Variants in SEL1L2 observed in about 807,000 individuals in gnomAD.
The protein encoded by SEL1L2 is protein sel-1 homolog 2.
In SEL1L2, 89 loss-of-function variants were observed where a neutral mutation model predicts 98.8. That is an observed-to-expected ratio of 0.90 (90% CI 0.76 to 1.07). The LOEUF is 1.07. SEL1L2 is among the 50% of genes least tolerant of loss of function. SEL1L2 has a pLI of 0.00. For synonymous variants in SEL1L2, 262 were observed against 278.5 expected (o/e 0.94, Z 0.59); for missense variants, 788 against 812.0 (o/e 0.97, Z 0.36).
At chr20:13,872,993 CTT>C (rs112463334) in intron 12 of SEL1L2, among the ~76,000 whole-genome samples, 17 of 141,082 alleles carry the variant, frequency 1.2e-4, no homozygotes, top group Admixed American at 2.9e-4. Flanking sequence ...TTTCTTTTTT[CTT>C]TTTTTTTTTT....
intron 5 of SEL1L2, among the ~76,000 whole-genome samples, chr20:13,893,432 T>C (rs145750294): frequency 1.1e-4 from 16 of 152,304 alleles, no homozygotes; most frequent in Non-Finnish European, 1.3e-4. Context: ...AAGAACATTA[T>C]ATAATGATAA....
At chr20:13,885,506 G>A (rs1013608487) in intron 9 of SEL1L2, 103 bp from the exon 10 acceptor site, 22 of 777,284 alleles carry the variant, frequency 2.8e-5, no homozygotes, top group Admixed American at 1.8e-4. Context: ...TGTTGGACAC[G>A]TTTGAAATGT....
At chr20:13,979,601 T>C (rs1033545599) in intron 1 of SEL1L2, among the ~76,000 whole-genome samples, 1 of 152,192 alleles carries the variant, frequency 6.6e-6, no homozygotes, top group African/African-American at 2.4e-5. Context: ...AATATAACTT[T>C]ATTTTCCTGA....
chr20:13,872,506 C>A (rs1450431504), intron 12 of SEL1L2, among the ~76,000 whole-genome samples: 1 of 152,060 alleles, frequency 6.6e-6, no homozygotes, highest in Non-Finnish European at 1.5e-5. Flanking sequence ...TGAGGCCTCC[C>A]CAGCAATGCT....
intron 5 of SEL1L2, among the ~76,000 whole-genome samples, chr20:13,899,200 T>G (rs1346619492): frequency 6.6e-6 from 1 of 152,202 alleles, no homozygotes; most frequent in East Asian, 1.9e-4. Flanking sequence ...TATTTCCTTT[T>G]ACTTTATTGG....
At chr20:13,917,795 T>C (rs1347229279) in intron 4 of SEL1L2, among the ~76,000 whole-genome samples, 8 of 115,518 alleles carry the variant, frequency 6.9e-5, no homozygotes, top group East Asian at 2.3e-4. Context: ...TCTTTTTTTT[T>C]TTTTTTTTTT....
chr20:13,971,110 C>T (rs1010493841), intron 1 of SEL1L2, among the ~76,000 whole-genome samples: 1 of 151,542 alleles, frequency 6.6e-6, no homozygotes, highest in Non-Finnish European at 1.5e-5. Context: ...GTCATTTGCC[C>T]ATTTTTCTAT....
At position 13,888,483 on chromosome 20, in the gene SEL1L2, T is replaced by C; in HGVS notation, c.579A>G (p.Ile193Met). ...CCTTAGCTTGATCATATTCCATTCC[T>C]ATTCCATAAGAAGACAAAAATCCTA... ...NALGFLSSYGIGMEYDQAKAL... is the reference protein window; with the variant it reads ...NALGFLSSYGMGMEYDQAKAL... Residue 193 changes from isoleucine (I) to methionine (M), a missense_variant, in exon 6 of 20, where the codon ATA becomes ATG. Transcript: ENST00000284951. 1 of 1,569,202 alleles carries C rather than the reference T, an allele frequency of 6.4e-7. No individual in the cohort carries two copies.
At position 13,923,689 on chromosome 20, in the gene SEL1L2, G is replaced by C. The variant is rs1392730811; in HGVS notation, c.284-4566C>G. ...GAATTGCTTGAACCCGGCAGGTGGA[G>C]TTTGCAGTGGGCCGAGATTGTGCCA... On this transcript the variant is annotated intron_variant, in intron 3 of 19. Coordinates refer to ENST00000284951, the MANE Select transcript of SEL1L2 (RefSeq NM_025229.2). Among the ~76,000 whole-genome samples the C allele has an allele frequency of 2.0e-5, 3 of 152,190 alleles. No homozygotes were observed. In the East Asian group the frequency reaches 5.8e-4, roughly 29 times the overall value.
chr20:13,852,688 A>T (rs1002287204), intron 18 of SEL1L2, among the ~76,000 whole-genome samples: 19 of 152,248 alleles, frequency 1.2e-4, no homozygotes, highest in African/African-American at 4.6e-4. Flanking sequence ...TGTTAAAAGA[A>T]CATGTTTTTA....
intron 1 of SEL1L2, among the ~76,000 whole-genome samples, chr20:13,960,956 G>A (rs2050749512): frequency 6.6e-6 from 1 of 152,172 alleles, no homozygotes; most frequent in Non-Finnish European, 1.5e-5. Context: ...AATGTCTGAT[G>A]TAGAGTTAGC....
chr20:13,903,307 C>A (rs1166338710), intron 5 of SEL1L2, among the ~76,000 whole-genome samples: 1 of 152,076 alleles, frequency 6.6e-6, no homozygotes, highest in East Asian at 1.9e-4. Flanking sequence ...TGATTTAGAT[C>A]ATCAATATCA....
At chr20:13,932,048 A>G (rs573192296) in intron 2 of SEL1L2, among the ~76,000 whole-genome samples, 5 of 152,208 alleles carry the variant, frequency 3.3e-5, no homozygotes, top group Non-Finnish European at 5.9e-5. Context: ...TAGTAGGAGA[A>G]TTTAACCAAT....
intron 4 of SEL1L2, 148 bp downstream of exon 4, chr20:13,918,873 C>T: frequency 1.7e-6 from 1 of 601,100 alleles, no homozygotes; most frequent in Non-Finnish European, 2.9e-6. Context: ...TCTTTAAACA[C>T]AATTTGATCC....
At chr20:13,911,745 C>A (rs904754730) in intron 5 of SEL1L2, among the ~76,000 whole-genome samples, 7 of 152,048 alleles carry the variant, frequency 4.6e-5, no homozygotes, top group African/African-American at 1.7e-4. Context: ...AGTTAGGAAG[C>A]AGCAACTAAA....
intron 2 of SEL1L2, among the ~76,000 whole-genome samples, chr20:13,940,017 A>G (rs1224611914): frequency 1.3e-5 from 2 of 152,238 alleles, no homozygotes; most frequent in Non-Finnish European, 2.9e-5. Context: ...TCACTCATTC[A>G]ATACATTTAT....
At chr20:13,892,905 T>C (rs1232581111) in intron 5 of SEL1L2, among the ~76,000 whole-genome samples, 1 of 152,218 alleles carries the variant, frequency 6.6e-6, no homozygotes, top group Non-Finnish European at 1.5e-5. Context: ...GCTGAAAAGA[T>C]GAAAGCAGAA....
At chr20:13,866,660 T>C (rs1463882628) in intron 15 of SEL1L2, 42 bp downstream of exon 15, 2 of 1,469,060 alleles carry the variant, frequency 1.4e-6, no homozygotes, top group Non-Finnish European at 1.8e-6. Flanking sequence ...CTCTGTGTCA[T>C]ATATGACAAG....
chr20:13,909,842 G>C (rs1043043014), intron 5 of SEL1L2, among the ~76,000 whole-genome samples: 1 of 151,848 alleles, frequency 6.6e-6, no homozygotes, highest in Non-Finnish European at 1.5e-5. Context: ...GGCACAGCCC[G>C]TAGTTCCGTT....
Sources: gnomAD v4.1 joint callset for allele counts (sites outside exome capture counted in the v4.1 genomes callset) on GRCh38, gnomAD v4.1.1 for gene constraint, MANE v1.5 for transcripts, NCBI Gene and HGNC (gene_info 2026-07-23, HGNC 2026-07-21) for gene names.